The following CFAP43 variants were observed in gnomAD, a reference collection of about 807,000 sequenced individuals.
The protein encoded by CFAP43 is cilia and flagella associated protein 43.
CFAP43 carries 155 observed loss-of-function variants against 218.9 expected under a neutral mutation model. The observed-to-expected ratio is 0.71, with a 90% CI of 0.62 to 0.81. The LOEUF is 0.81. Among genes scored for constraint, CFAP43 ranks in the 30% least tolerant of loss-of-function variants. The pLI, the probability that CFAP43 is intolerant of heterozygous loss-of-function variation, is 0.00. For synonymous variants in CFAP43, 645 were observed against 681.3 expected, an observed-to-expected ratio of 0.95 and a Z score of 0.83; for missense variants, 1,778 against 1,954.3, an observed-to-expected ratio of 0.91 and a Z score of 1.70.
chr10:104,229,748 A>T (rs1453599407), intron 2 of CFAP43, among the ~76,000 whole-genome samples: 1 of 152,206 alleles, frequency 6.6e-6, no homozygotes, highest in Admixed American at 6.5e-5. Context: ...AGCATATTAT[A>T]TATTTTCATC....
chr10:104,171,634 A>G (rs1482331482), intron 20 of CFAP43, among the ~76,000 whole-genome samples: 1 of 152,238 alleles, frequency 6.6e-6, no homozygotes, highest in Admixed American at 6.5e-5. Flanking sequence ...AACCTGTACT[A>G]GCAGGTTGAG....
chr10:104,232,137 G>A (rs3740468), intron 1 of CFAP43, 45 bp downstream of exon 1: 2 of 1,580,928 alleles, frequency 1.3e-6, no homozygotes, highest in Non-Finnish European at 1.7e-6. Flanking sequence ...TGGGGCAGGA[G>A]GTTCCGCGAG....
At chr10:104,215,287 A>C (rs1244564042) in intron 3 of CFAP43, among the ~76,000 whole-genome samples, 1 of 152,190 alleles carries the variant, frequency 6.6e-6, no homozygotes, top group African/African-American at 2.4e-5. Flanking sequence ...AAAAAATTAA[A>C]TGTGAGCTAT....
At chr10:104,190,057 A>G (rs968768955) in intron 12 of CFAP43, among the ~76,000 whole-genome samples, 1 of 147,868 alleles carries the variant, frequency 6.8e-6, no homozygotes, top group African/African-American at 2.5e-5. Flanking sequence ...AGGCCCAGCT[A>G]CTCAGGAGGC....
intron 12 of CFAP43, among the ~76,000 whole-genome samples, chr10:104,189,277 CCT>C (rs34262100): frequency 0.047 from 7,227 of 152,168 alleles, 599 homozygotes; most frequent in African/African-American, 0.17. Context: ...TCATGACTCC[CCT>C]GTCTTCAAAT....
intron 28 of CFAP43, among the ~76,000 whole-genome samples, chr10:104,151,079 C>A (rs574202446): frequency 6.6e-6 from 1 of 152,272 alleles, no homozygotes; most frequent in African/African-American, 2.4e-5. Flanking sequence ...TGATCTCATT[C>A]TTTTTGATGG....
chr10:104,215,433 A>C (rs937104085), intron 3 of CFAP43, among the ~76,000 whole-genome samples: 1 of 151,992 alleles, frequency 6.6e-6, no homozygotes, highest in African/African-American at 2.4e-5. Context: ...CCTGCCCAAC[A>C]CATCAACCAC....
intron 8 of CFAP43, among the ~76,000 whole-genome samples, chr10:104,202,208 T>C (rs2090554481): frequency 6.6e-6 from 1 of 152,222 alleles, no homozygotes; most frequent in Non-Finnish European, 1.5e-5. Flanking sequence ...ACTGAAGATA[T>C]TATTCCACTA....
intron 8 of CFAP43, 121 bp downstream of exon 8, chr10:104,203,546 TACAAC>T: frequency 1.1e-6 from 1 of 898,820 alleles, no homozygotes; most frequent in African/African-American, 1.7e-5. Flanking sequence ...TTTTTTCATT[TACAAC>T]CTAGAGTCTT....
intron 5 of CFAP43, among the ~76,000 whole-genome samples, chr10:104,211,034 A>AC (rs907918829): frequency 1.3e-5 from 2 of 151,346 alleles, no homozygotes; most frequent in African/African-American, 4.9e-5. Flanking sequence ...CTCGTGATCC[A>AC]CCCGTCTCGG....
chr10:104,139,881 C>G (rs1184132658), intron 34 of CFAP43, among the ~76,000 whole-genome samples: 1 of 151,886 alleles, frequency 6.6e-6, no homozygotes, highest in African/African-American at 2.4e-5. Context: ...TTGTCTAAAG[C>G]AAAAAATAAT....
intron 16 of CFAP43, among the ~76,000 whole-genome samples, chr10:104,184,498 C>A (rs536820132): frequency 6.9e-6 from 1 of 145,070 alleles, no homozygotes; most frequent in Non-Finnish European, 1.5e-5. Context: ...GCTCTGATAT[C>A]TGGGGCCTTG....
chr10:104,187,787 A>G (rs2090079432), intron 13 of CFAP43, among the ~76,000 whole-genome samples: 1 of 152,230 alleles, frequency 6.6e-6, no homozygotes, highest in Admixed American at 6.5e-5. Context: ...ATAAAAACAT[A>G]AAAGTACTTG....
intron 8 of CFAP43, among the ~76,000 whole-genome samples, chr10:104,202,901 G>C (rs2090575661): frequency 6.6e-6 from 1 of 151,558 alleles, no homozygotes; most frequent in Non-Finnish European, 1.5e-5. Flanking sequence ...CTTTCAGGCA[G>C]AAAGTCATTG....
rs1174158182 is a variant in CFAP43, at chr10:104,149,478, T to G, written c.3661-1480A>C. Among the ~76,000 whole-genome samples the G allele has an allele frequency of 3.9e-5, 6 of 152,222 alleles. No individual in the cohort carries two copies. In the East Asian group the frequency reaches 1.2e-3, roughly 29 times the overall value. On this transcript the variant is annotated intron_variant, in intron 28 of 37. Transcript: ENST00000357060. ...ATATAGGAAAGGCAGACAAAATACT[T>G]GATGCTTTCCCTTTATCAGTTTTTA...
intron 15 of CFAP43, 25 bp downstream of exon 15, chr10:104,185,949 A>ATT: frequency 6.3e-7 from 1 of 1,574,950 alleles, no homozygotes; most frequent in South Asian, 1.1e-5. Flanking sequence ...CACCCACAAT[A>ATT]TTTTTTTTTA....
chr10:104,142,514 A>G (rs2087754944), intron 32 of CFAP43, 121 bp from the exon 33 acceptor site: 1 of 592,222 alleles, frequency 1.7e-6, no homozygotes, highest in Non-Finnish European at 2.8e-6. Context: ...GAAAGTAATA[A>G]AACATTTAAA....
intron 2 of CFAP43, 104 bp downstream of exon 2, chr10:104,230,486 C>CA (rs898387198): frequency 4.2e-5 from 60 of 1,433,350 alleles, no homozygotes; most frequent in South Asian, 2.7e-4. Context: ...AAAAAACAAA[C>CA]AAAAAAAACC....
chr10:104,179,216 G>A, intron 18 of CFAP43, 110 bp from the exon 19 acceptor site: 1 of 889,474 alleles, frequency 1.1e-6, no homozygotes, highest in Non-Finnish European at 1.7e-6. Context: ...AATTTGTAAA[G>A]ACTAATATAA....
Sources: gnomAD v4.1 joint callset for allele counts (sites outside exome capture counted in the v4.1 genomes callset) on GRCh38, gnomAD v4.1.1 for gene constraint, MANE v1.5 for transcripts, NCBI Gene and HGNC (gene_info 2026-07-23, HGNC 2026-07-21) for gene names.